Variants in GPHN observed in about 807,000 individuals in gnomAD.
GPHN encodes the protein gephyrin.
GPHN carries 17 observed loss-of-function variants against 95.5 expected under a neutral mutation model. The observed-to-expected ratio is 0.18, with a 90% CI of 0.12 to 0.27. The LOEUF is 0.27. Among genes scored for constraint, GPHN ranks in the 10% least tolerant of loss-of-function variants. GPHN has a pLI of 1.00. For synonymous variants in GPHN, 320 were observed against 322.5 expected (o/e 0.99, Z 0.08); for missense variants, 660 against 978.1 (o/e 0.67, Z 4.34).
the GPHN span, among the ~76,000 whole-genome samples, chr14:67,407,056 G>A: frequency 1.3e-5 from 2 of 152,162 alleles, no homozygotes; most frequent in Non-Finnish European, 2.9e-5. Context: ...CCTCAGGGAT[G>A]GGCTTATGAG....
At chr14:66,764,924 A>C (rs1448012990) in intron 2 of GPHN, among the ~76,000 whole-genome samples, 1 of 152,186 alleles carries the variant, frequency 6.6e-6, no homozygotes, top group African/African-American at 2.4e-5. Flanking sequence ...AAAGAAGATA[A>C]TCATATTTAA....
intron 10 of GPHN, among the ~76,000 whole-genome samples, chr14:67,056,565 C>G (rs998787317): frequency 2.7e-5 from 4 of 149,916 alleles, no homozygotes; most frequent in African/African-American, 9.9e-5. Flanking sequence ...TCCACAAACC[C>G]GAGCTAGACA....
At chr14:67,580,892 C>G in the GPHN span, 1 of 1,280,106 alleles carries the variant, frequency 7.8e-7, no homozygotes, top group Non-Finnish European at 1.1e-6. Flanking sequence ...GATCCCTTCT[C>G]TCCTTATCAG....
intron 1 of GPHN, among the ~76,000 whole-genome samples, chr14:66,595,872 C>T (rs1276572724): frequency 2.6e-5 from 4 of 152,172 alleles, no homozygotes; most frequent in Non-Finnish European, 4.4e-5. Flanking sequence ...CGTGCCGTTC[C>T]GCAGGTCCTG....
intron 1 of GPHN, among the ~76,000 whole-genome samples, chr14:66,554,638 A>G (rs1236864622): frequency 6.6e-6 from 1 of 152,168 alleles, no homozygotes; most frequent in Non-Finnish European, 1.5e-5. Flanking sequence ...TCACTTCCCA[A>G]CAGTTTCCTC....
chr14:67,520,114 T>C, the GPHN span, among the ~76,000 whole-genome samples: 1,207 of 152,300 alleles, frequency 7.9e-3, 20 homozygotes, highest in African/African-American at 0.028. Context: ...CACACATGCA[T>C]AGACTTCCCA....
chr14:67,675,532 G>A, the GPHN span, among the ~76,000 whole-genome samples: 1 of 152,022 alleles, frequency 6.6e-6, no homozygotes, highest in East Asian at 1.9e-4. Flanking sequence ...GGATGACCTC[G>A]AAATACTCTA....
intron 4 of GPHN, 21 bp from the exon 5 acceptor site, chr14:66,879,918 C>G (rs769774918): frequency 2.7e-6 from 4 of 1,488,996 alleles, no homozygotes; most frequent in Middle Eastern, 3.4e-4. Flanking sequence ...ACTCAGTCTG[C>G]TATTTAATCT....
intron 1 of GPHN, among the ~76,000 whole-genome samples, chr14:66,537,088 T>A (rs2059171361): frequency 6.6e-6 from 1 of 152,140 alleles, no homozygotes. Context: ...ACTTCCATGG[T>A]ATGATTTTTT....
the GPHN span, among the ~76,000 whole-genome samples, chr14:67,347,760 A>C: frequency 6.6e-6 from 1 of 152,142 alleles, no homozygotes; most frequent in African/African-American, 2.4e-5. Flanking sequence ...TAAACCTCCC[A>C]AAGTGCTGGG....
the GPHN span, among the ~76,000 whole-genome samples, chr14:67,382,185 A>G: frequency 6.6e-6 from 1 of 152,008 alleles, no homozygotes; most frequent in Non-Finnish European, 1.5e-5. Context: ...CACGGAAATG[A>G]TAATTCTTTC....
At chr14:67,383,202 C>T in the GPHN span, 5 of 1,183,928 alleles carry the variant, frequency 4.2e-6, no homozygotes, top group African/African-American at 7.8e-5. Context: ...ACAGATATGA[C>T]AGAGTTGTTA....
In GPHN at chr14:66,508,170, T is replaced by C; in HGVS notation, c.-358T>C. 2 of 473,316 alleles carry C rather than the reference T, an allele frequency of 4.2e-6. No individual in the cohort carries two copies. The highest frequency in any genetic ancestry group is 4.2e-5 in the South Asian group (2 of 47,798). The allele number at this position is 473,316 out of a possible 1,614,324, so 29.3% of individuals were successfully genotyped here. ...ATCCTTTCCTCTCAGTCCTGCCATC[T>C]AGCTGCCTTGGGTCTCGCGCTCCGC... On this transcript the variant is annotated 5_prime_UTR_variant, in exon 1 of 23. Transcript: ENST00000478722.
intron 4 of GPHN, among the ~76,000 whole-genome samples, chr14:66,834,837 T>G (rs1245405028): frequency 7.1e-6 from 1 of 141,382 alleles, no homozygotes; most frequent in African/African-American, 2.7e-5. Flanking sequence ...ATGGTACCAG[T>G]TCCTCCTTGT....
rs564272385 is a variant in GPHN, at chr14:66,775,797, G to A, written c.144-667G>A. 1.0e-3 allele frequency among the ~76,000 whole-genome samples: 154 copies of A among 152,232 alleles called. No homozygotes were observed. In the Middle Eastern group the frequency reaches 0.01, roughly 10 times the overall value. ...AATATTTCAAACAGTTGAATATGAC[G>A]TATAATGGCATCACTGTCTCAAGGC... On this transcript the variant is annotated intron_variant, in intron 2 of 22. Coordinates refer to ENST00000478722, the MANE Select transcript of GPHN (RefSeq NM_020806.5).
At chr14:67,198,985 G>T in the GPHN span, 1 of 704,422 alleles carries the variant, frequency 1.4e-6, no homozygotes, top group South Asian at 1.5e-5. Flanking sequence ...CTGCTCAGCT[G>T]ATTTCACAGA....
the GPHN span, among the ~76,000 whole-genome samples, chr14:67,402,458 G>T: frequency 2.0e-5 from 3 of 152,024 alleles, no homozygotes; most frequent in Admixed American, 2.0e-4. Context: ...ATTTTTAAAC[G>T]TACAATTAAG....
the GPHN span, among the ~76,000 whole-genome samples, chr14:67,425,309 G>A: frequency 6.6e-6 from 1 of 152,188 alleles, no homozygotes; most frequent in East Asian, 1.9e-4. Context: ...CCAACACTTT[G>A]GGAGGCCAAG....
chr14:67,065,026 G>A (rs916867873), intron 11 of GPHN, among the ~76,000 whole-genome samples: 40 of 152,084 alleles, frequency 2.6e-4, no homozygotes, highest in African/African-American at 9.4e-4. Context: ...TATGATGTTA[G>A]GGTGTCAATT....
Sources: allele counts gnomAD v4.1 joint callset (sites outside exome capture counted in the v4.1 genomes callset), GRCh38; gene constraint gnomAD v4.1.1; transcripts MANE v1.5; gene names NCBI Gene and HGNC (gene_info 2026-07-23, HGNC 2026-07-21).